IKZF2: variants seen among roughly 807,000 people sequenced by gnomAD.
IKZF2 encodes the protein zinc finger protein Helios.
IKZF2 carries 15 observed loss-of-function variants against 49.2 expected under a neutral mutation model. The ratio of observed to expected loss-of-function variants is 0.30; its 90% CI spans 0.20 to 0.47. IKZF2 has a LOEUF of 0.47. Among genes scored for constraint, IKZF2 ranks in the 20% least tolerant of loss-of-function variants. The pLI, the probability that IKZF2 is intolerant of heterozygous loss-of-function variation, is 1.00. For synonymous variants in IKZF2, 227 were observed against 221.4 expected (o/e 1.03, Z -0.23); for missense variants, 567 against 664.6 (o/e 0.85, Z 1.61).
intron 4 of IKZF2, among the ~76,000 whole-genome samples, chr2:213,122,284 T>A (rs1328607652): frequency 6.6e-6 from 1 of 152,266 alleles, no homozygotes; most frequent in African/African-American, 2.4e-5. Context: ...GGTAAAATGC[T>A]GTAATATCTT....
chr2:213,035,186 T>TA (rs963067975), intron 6 of IKZF2, among the ~76,000 whole-genome samples: 1 of 151,944 alleles, frequency 6.6e-6, no homozygotes, highest in African/African-American at 2.4e-5. Flanking sequence ...TGAGTATATA[T>TA]TTTTTTTAAT....
chr2:213,066,445 A>T (rs1702171842), intron 4 of IKZF2, among the ~76,000 whole-genome samples: 1 of 152,110 alleles, frequency 6.6e-6, no homozygotes, highest in Non-Finnish European at 1.5e-5. Context: ...TCCCTGGGTC[A>T]TACACATTGA....
At chr2:213,078,891 A>T (rs1314092936) in intron 4 of IKZF2, among the ~76,000 whole-genome samples, 1 of 152,190 alleles carries the variant, frequency 6.6e-6, no homozygotes, top group Non-Finnish European at 1.5e-5. Context: ...TCTGTTTCCA[A>T]ACCTATGAGA....
intron 6 of IKZF2, among the ~76,000 whole-genome samples, chr2:213,036,137 G>T (rs1475619938): frequency 6.6e-6 from 1 of 152,078 alleles, no homozygotes; most frequent in African/African-American, 2.4e-5. Context: ...ATAAGAGCAT[G>T]ATACAATTCT....
intron 4 of IKZF2, among the ~76,000 whole-genome samples, chr2:213,095,858 A>G (rs563289512): frequency 6.6e-6 from 1 of 152,148 alleles, no homozygotes; most frequent in Non-Finnish European, 1.5e-5. Flanking sequence ...TCATCTAAGG[A>G]TATTGTTTCT....
chr2:213,030,820 T>TC (rs1041626266), intron 6 of IKZF2, among the ~76,000 whole-genome samples: 1 of 149,860 alleles, frequency 6.7e-6, no homozygotes, highest in African/African-American at 2.4e-5. Context: ...TTCTTTTTTT[T>TC]TTTTTTTTGT....
chr2:213,130,700 A>G (rs2060446787), intron 4 of IKZF2, among the ~76,000 whole-genome samples: 1 of 152,206 alleles, frequency 6.6e-6, no homozygotes, highest in African/African-American at 2.4e-5. Context: ...AAATATATGG[A>G]TACAAGCTTG....
intron 4 of IKZF2, among the ~76,000 whole-genome samples, chr2:213,133,851 T>G (rs1291481797): frequency 1.3e-5 from 2 of 152,140 alleles, no homozygotes; most frequent in Admixed American, 6.5e-5. Flanking sequence ...ATGCTAGATG[T>G]AAAAGCATTT....
At position 213,007,879 on chromosome 2, in the gene IKZF2, A is replaced by C. The variant is rs775093531; in HGVS notation, c.1062T>G (p.Ala354=). Residue 354 remains alanine (A), a synonymous_variant, in exon 9 of 9, where the codon GCT becomes GCG. Coordinates refer to ENST00000434687, the MANE Select transcript of IKZF2 (RefSeq NM_001387220.1). The stretch of plus-strand genomic sequence containing the variant: ...TATTTGGATGATAGACCTGAGAATA[A>C]GCTGAGCTTATAACTGGGGCCACTT... ...IAEVAPVISS[A]YSQVYHPNRI... 1.2e-6 allele frequency: 2 copies of C among 1,613,548 alleles called. No individual in the cohort carries two copies. Among genetic ancestry groups the C allele is most frequent in the Admixed American group, 1.7e-5 (1 of 59,900 alleles).
At chr2:213,152,419 A>C (rs2061307151), upstream of IKZF2, 1 of 152,288 alleles carries the variant, frequency 6.6e-6, no homozygotes, top group South Asian at 2.1e-4. Context: ...TGAGAAAGAC[A>C]TTCATGTCTG....
chr2:213,083,391 T>TTTTC (rs1171387722), intron 4 of IKZF2, among the ~76,000 whole-genome samples: 31 of 140,264 alleles, frequency 2.2e-4, no homozygotes, highest in African/African-American at 8.7e-4. Context: ...AACCTTTTTT[T>TTTTC]TTTTTTTTTT....
At chr2:213,014,834 T>C (rs1266666566) in intron 7 of IKZF2, 1 of 152,048 alleles carries the variant, frequency 6.6e-6, no homozygotes, top group Non-Finnish European at 1.5e-5. Flanking sequence ...TTAAAAACAG[T>C]GTTCTCAGGA....
chr2:213,085,465 T>TGGCCGGGCGCGGTGGCTCACGCCTG (rs1704475886), intron 4 of IKZF2, among the ~76,000 whole-genome samples: 1 of 152,168 alleles, frequency 6.6e-6, no homozygotes, highest in South Asian at 2.1e-4. Flanking sequence ...AAAAATCTAG[T>TGGCCGGGCGCGGTGGCTCACGCCTG]TAGGACTTTA....
intron 4 of IKZF2, among the ~76,000 whole-genome samples, chr2:213,126,768 C>A (rs1013711942): frequency 6.6e-6 from 1 of 152,112 alleles, no homozygotes; most frequent in Non-Finnish European, 1.5e-5. Context: ...ATTTCCAATA[C>A]TGTCAAATAC....
At position 213,089,656 on chromosome 2, in the gene IKZF2, C is replaced by T. The variant is rs139525227; in HGVS notation, c.140-32557G>A. On this transcript the variant is annotated intron_variant, in intron 4 of 8. Coordinates refer to ENST00000434687, the MANE Select transcript of IKZF2 (RefSeq NM_001387220.1). The stretch of plus-strand genomic sequence containing the variant: ...TCATGGGCCAAAAATTTAACCTCCA[C>T]TCTCCAGGCCCAATCTGGTTTGTAA... 1.8e-4 allele frequency among the ~76,000 whole-genome samples: 28 copies of T among 152,302 alleles called. No individual in the cohort carries two copies. The East Asian group carries it at 2.7e-3, about 15-fold the overall frequency.
chr2:213,124,250 GCGCA>G (rs1335467650), intron 4 of IKZF2, among the ~76,000 whole-genome samples: 39 of 93,560 alleles, frequency 4.2e-4, no homozygotes, highest in African/African-American at 1.2e-3. Flanking sequence ...TCGCGCGCGC[GCGCA>G]CACACACACA....
intron 4 of IKZF2, among the ~76,000 whole-genome samples, chr2:213,066,990 C>T (rs1430050858): frequency 6.6e-6 from 1 of 152,008 alleles, no homozygotes; most frequent in Non-Finnish European, 1.5e-5. Context: ...GAAAAGCATG[C>T]AATCACTTAA....
In IKZF2 at chr2:213,001,690, C is replaced by T. The variant is rs558219904; in HGVS notation, c.*5670G>A. ...CCTAATCTTCAAACTTTTAGGAGAA[C>T]AGAGAGGTAAACATCCATAGACAAT... is the stretch of plus-strand genomic sequence containing the variant. On this transcript the variant is annotated 3_prime_UTR_variant, in exon 9 of 9. Transcript: ENST00000434687. 7 of 151,630 alleles carry T rather than the reference C, an allele frequency of 4.6e-5. No individual in the cohort carries two copies. The highest frequency in any genetic ancestry group is 1.5e-4 in the African/African-American group (6 of 41,370). 9.4% of individuals were successfully genotyped at this position (151,630 alleles called of 1,614,324 possible). A position where few individuals can be genotyped will look rare whatever the true frequency, so the allele number is the denominator to read the frequency against.
chr2:213,060,944 C>T (rs1387101093), intron 4 of IKZF2, among the ~76,000 whole-genome samples: 1 of 151,392 alleles, frequency 6.6e-6, no homozygotes, highest in Non-Finnish European at 1.5e-5. Flanking sequence ...ATAAAAAGTG[C>T]CACATATTTT....
Sources: gnomAD v4.1 joint callset for allele counts (sites outside exome capture counted in the v4.1 genomes callset) on GRCh38, gnomAD v4.1.1 for gene constraint, MANE v1.5 for transcripts, NCBI Gene and HGNC (gene_info 2026-07-23, HGNC 2026-07-21) for gene names.